Variants in OR2C1 observed in about 807,000 individuals in gnomAD.
OR2C1 encodes olfactory receptor 2C1.
For synonymous variants in OR2C1, 209 were observed against 167.3 expected (o/e 1.25, Z -1.92); for missense variants, 468 against 388.3 (o/e 1.21, Z -1.73).
At chr16:3,353,365 C>T (rs2030604425), upstream of OR2C1, among the ~76,000 whole-genome samples, 1 of 151,538 alleles carries the variant, frequency 6.6e-6, no homozygotes, top group African/African-American at 2.4e-5. Flanking sequence ...GTGGTGTGCA[C>T]CTGTAGTCCC....
At chr16:3,340,789 C>G in the OR2C1 span, among the ~76,000 whole-genome samples, 1 of 152,088 alleles carries the variant, frequency 6.6e-6, no homozygotes, top group Admixed American at 6.6e-5. Flanking sequence ...TTTCTGGAAC[C>G]TCAATTCTAT....
At chr16:3,332,936 T>A in the OR2C1 span, among the ~76,000 whole-genome samples, 1 of 152,046 alleles carries the variant, frequency 6.6e-6, no homozygotes, top group Non-Finnish European at 1.5e-5. Context: ...TATTTTTAGT[T>A]TTTTTGAGGA....
chr16:3,355,972 G>T lies in OR2C1; in HGVS notation c.32G>T (p.Gly11Val). 1 of 1,613,280 alleles carries T rather than the reference G, an allele frequency of 6.2e-7. No individual in the cohort carries two copies. Among genetic ancestry groups the T allele is most frequent in the East Asian group, 2.2e-5 (1 of 44,872 alleles). MDGVNDSSLQGFVLMGISDHP... is the reference protein window; with the variant it reads MDGVNDSSLQVFVLMGISDHP... Reference sequence around the variant, plus strand: ...GGGGTGAATGATAGCTCCTTGCAGGGCTTTGTTCTGATGGGCATATCAGAC... The same window carrying T: ...GGGGTGAATGATAGCTCCTTGCAGGTCTTTGTTCTGATGGGCATATCAGAC... Residue 11 changes from glycine to valine, a missense_variant, in exon 1 of 1, where the codon GGC becomes GTC. Transcript: ENST00000304936.
the OR2C1 span, among the ~76,000 whole-genome samples, chr16:3,328,022 A>T: frequency 2.0e-5 from 3 of 152,176 alleles, no homozygotes; most frequent in East Asian, 3.8e-4. Flanking sequence ...TAATATCCCT[A>T]TTCTACTTTC....
At chr16:3,344,182 C>G in the OR2C1 span, among the ~76,000 whole-genome samples, 1 of 151,972 alleles carries the variant, frequency 6.6e-6, no homozygotes, top group Non-Finnish European at 1.5e-5. Flanking sequence ...GATCGCACCA[C>G]TGCACTCCAG....
the OR2C1 span, among the ~76,000 whole-genome samples, chr16:3,327,362 C>G: frequency 6.6e-6 from 1 of 152,124 alleles, no homozygotes; most frequent in Non-Finnish European, 1.5e-5. Flanking sequence ...TTGACAATCT[C>G]TGCCCTAAAC....
At chr16:3,343,338 G>A in the OR2C1 span, among the ~76,000 whole-genome samples, 29 of 152,236 alleles carry the variant, frequency 1.9e-4, no homozygotes, top group African/African-American at 6.0e-4. Flanking sequence ...GGGCTCAAGC[G>A]ATCCTTTTGC....
chr16:3,354,462 A>G (rs897112646), upstream of OR2C1, among the ~76,000 whole-genome samples: 33 of 152,178 alleles, frequency 2.2e-4, no homozygotes, highest in Admixed American at 1.2e-3. Flanking sequence ...TTCCACCTAA[A>G]CTTATTTAAG....
At chr16:3,323,721 G>T in the OR2C1 span, 1 of 687,490 alleles carries the variant, frequency 1.5e-6, no homozygotes, top group South Asian at 1.6e-5. Flanking sequence ...AGTCATCTGA[G>T]ACACACCTTG....
Position 3,356,958 on chromosome 16 carries a change from G to C in OR2C1, c.*79G>C, listed in dbSNP as rs1340999196. On this transcript the variant is annotated 3_prime_UTR_variant, in exon 1 of 1. Transcript: ENST00000304936. ...TAACTCTCTCTGGCCAGGTGAACAT[G>C]AGGAATACTAATTCCGGTAAAACCA... The C allele has an allele frequency of 2.4e-6, 3 of 1,240,892 alleles. No homozygotes were observed. The highest frequency in any genetic ancestry group is 2.7e-5 in the Admixed American group (1 of 37,276). The allele number at this position is 1,240,892 out of a possible 1,614,324, so 76.9% of individuals were successfully genotyped here.
At chr16:3,354,400 A>C (rs1285235291), upstream of OR2C1, among the ~76,000 whole-genome samples, 3 of 152,210 alleles carry the variant, frequency 2.0e-5, no homozygotes, top group Non-Finnish European at 4.4e-5. Context: ...ATGAATACCC[A>C]TTAACTATTT....
chr16:3,337,701 T>G, the OR2C1 span, among the ~76,000 whole-genome samples: 2 of 152,172 alleles, frequency 1.3e-5, no homozygotes, highest in Admixed American at 1.3e-4. Flanking sequence ...CTATTTTGAA[T>G]TCTGGGTCAG....
the OR2C1 span, among the ~76,000 whole-genome samples, chr16:3,332,962 C>T: frequency 2.6e-5 from 4 of 151,998 alleles, no homozygotes; most frequent in Non-Finnish European, 5.9e-5. Context: ...CAACAGTTTT[C>T]CATACTGGCT....
At chr16:3,335,529 T>C in the OR2C1 span, among the ~76,000 whole-genome samples, 2 of 134,410 alleles carry the variant, frequency 1.5e-5, no homozygotes, top group African/African-American at 6.0e-5. Context: ...GCTTTTTTTT[T>C]TTTTTTTTTT....
the OR2C1 span, among the ~76,000 whole-genome samples, chr16:3,324,607 C>T: frequency 2.6e-5 from 4 of 152,216 alleles, no homozygotes; most frequent in East Asian, 7.7e-4. Flanking sequence ...GGATTTCTCT[C>T]TACGTATGTT....
the OR2C1 span, among the ~76,000 whole-genome samples, chr16:3,335,428 A>G: frequency 4.0e-5 from 6 of 149,082 alleles, no homozygotes; most frequent in South Asian, 2.1e-4. Context: ...TAGGTGTTAT[A>G]TATTATTTGA....
the OR2C1 span, among the ~76,000 whole-genome samples, chr16:3,334,243 T>C: frequency 1.3e-5 from 2 of 151,630 alleles, no homozygotes; most frequent in African/African-American, 2.4e-5. Context: ...GTTCCAGTGA[T>C]TCTCCCGCCT....
At chr16:3,334,603 G>A in the OR2C1 span, among the ~76,000 whole-genome samples, 2 of 150,542 alleles carry the variant, frequency 1.3e-5, no homozygotes, top group Non-Finnish European at 3.0e-5. Context: ...CCAAAGTACA[G>A]GGATTACAGG....
At chr16:3,332,151 C>A in the OR2C1 span, among the ~76,000 whole-genome samples, 1 of 150,820 alleles carries the variant, frequency 6.6e-6, no homozygotes, top group Non-Finnish European at 1.5e-5. Context: ...GGGTGCAGCG[C>A]ACCAGCATGG....
Sources: gnomAD v4.1 joint callset for allele counts (sites outside exome capture counted in the v4.1 genomes callset) on GRCh38, gnomAD v4.1.1 for gene constraint, MANE v1.5 for transcripts, NCBI Gene and HGNC (gene_info 2026-07-23, HGNC 2026-07-21) for gene names.